STRN: variants seen among roughly 807,000 people sequenced by gnomAD.
STRN encodes protein phosphatase 2 regulatory subunit B'''alpha.
A neutral mutation model predicts 96.3 loss-of-function variants in STRN; 53 were observed. The ratio of observed to expected loss-of-function variants is 0.55; its 90% CI spans 0.44 to 0.69. The LOEUF is 0.69. STRN is among the 30% of genes least tolerant of loss of function. The pLI, the probability that STRN is intolerant of heterozygous loss-of-function variation, is 0.00. For missense variants in STRN, 987 were observed against 963.9 expected, an observed-to-expected ratio of 1.02 and a Z score of -0.32; for synonymous variants, 428 against 355.9, an observed-to-expected ratio of 1.20 and a Z score of -2.28.
chr2:36,890,509 A>T, intron 7 of STRN, among the ~76,000 whole-genome samples: 1 of 129,566 alleles, frequency 7.7e-6, no homozygotes. Context: ...TTTGAGACAG[A>T]GTCTCGCTCT....
At chr2:36,946,156 T>A (rs546774740) in intron 1 of STRN, among the ~76,000 whole-genome samples, 2 of 149,936 alleles carry the variant, frequency 1.3e-5, no homozygotes, top group South Asian at 4.2e-4. Flanking sequence ...TCTACCTAAA[T>A]ATTTCCAGTT....
intron 5 of STRN, among the ~76,000 whole-genome samples, chr2:36,902,033 T>G (rs1006687860): frequency 2.0e-5 from 3 of 152,200 alleles, no homozygotes; most frequent in Non-Finnish European, 2.9e-5. Flanking sequence ...TTATGATTAT[T>G]TTAAGTAGAA....
At chr2:36,870,141 A>T (rs1668726517) in intron 10 of STRN, among the ~76,000 whole-genome samples, 1 of 152,166 alleles carries the variant, frequency 6.6e-6, no homozygotes, top group Non-Finnish European at 1.5e-5. Context: ...GATTTTAAAT[A>T]CTTTCTAATA....
At chr2:36,897,349 T>G (rs1669567666) in intron 6 of STRN, among the ~76,000 whole-genome samples, 1 of 152,040 alleles carries the variant, frequency 6.6e-6, no homozygotes, top group African/African-American at 2.4e-5. Flanking sequence ...GCTGTGCAAA[T>G]TAATGTAATA....
chr2:36,931,032 A>G (rs1670560583), intron 1 of STRN, among the ~76,000 whole-genome samples: 1 of 149,908 alleles, frequency 6.7e-6, no homozygotes. Flanking sequence ...AATTGCCTCA[A>G]AAAAAAAAAG....
At chr2:36,903,162 A>G (rs1669734200) in intron 4 of STRN, among the ~76,000 whole-genome samples, 2 of 152,214 alleles carry the variant, frequency 1.3e-5, no homozygotes, top group Admixed American at 1.3e-4. Flanking sequence ...CCTAGCATAT[A>G]TCGTCTCCTT....
rs574922086 is a variant in STRN at position 36,928,393 on chromosome 2, T to C, written c.235-3185A>G. 7.2e-5 allele frequency among the ~76,000 whole-genome samples: 11 copies of C among 152,272 alleles called. No individual in the cohort carries two copies. In the East Asian group the frequency reaches 1.3e-3, roughly 19 times the overall value. On this transcript the variant is annotated intron_variant, in intron 1 of 17. Coordinates refer to ENST00000263918, the MANE Select transcript of STRN (RefSeq NM_003162.4). ...TAGGTCGGACACAGTGGCTCACACC[T>C]GTAATCCCAGAACTTTGGGAGGCCG...
At chr2:36,888,516 G>C (rs1405321119) in intron 7 of STRN, among the ~76,000 whole-genome samples, 1 of 152,038 alleles carries the variant, frequency 6.6e-6, no homozygotes, top group Non-Finnish European at 1.5e-5. Flanking sequence ...ATTTGCACTG[G>C]CTTTCTTCTT....
chr2:36,891,387 G>A (rs947773611), intron 7 of STRN, among the ~76,000 whole-genome samples: 3 of 152,108 alleles, frequency 2.0e-5, no homozygotes, highest in Non-Finnish European at 2.9e-5. Flanking sequence ...ATAGCCGGGC[G>A]TGGTGGCAGG....
rs1427572885 is a variant in STRN at position 36,838,524 on chromosome 2, C to T, written c.*10932G>A. 6.6e-6 allele frequency among the ~76,000 whole-genome samples: 1 copy of T among 152,130 alleles called. No individual in the cohort carries two copies. The highest frequency in any genetic ancestry group is 2.1e-4 in the South Asian group (1 of 4,824). Reference sequence around the variant, plus strand: ...AATAACACTGAAAAATCACTACATCCACCAGGATTTTTTTCTTTTTTCTAC... The same window carrying T: ...AATAACACTGAAAAATCACTACATCTACCAGGATTTTTTTCTTTTTTCTAC... On this transcript the variant is annotated 3_prime_UTR_variant, in exon 18 of 18. Transcript: ENST00000263918.
chr2:36,896,568 G>T (rs1194246490), intron 6 of STRN, among the ~76,000 whole-genome samples: 1 of 152,138 alleles, frequency 6.6e-6, no homozygotes, highest in African/African-American at 2.4e-5. Context: ...GAAAACCAAA[G>T]AAGTTATGGG....
rs1669720341 is a variant in STRN at position 36,902,723 on chromosome 2, T to G, written c.520A>C (p.Thr174Pro). The change falls in exon 5 of 18, where the codon ACT becomes CCT. Residue 174 changes from threonine (T) to proline (P), a missense_variant. Physicochemically the swap from Thr to Pro is conservative, Grantham distance 38 (BLOSUM62 -1). Transcript: ENST00000263918. ...QYLQEVGYTD[T>P]ILDVKSKRVR... is the part of the protein sequence containing the mutation. ...CGTTTAGATTTCACATCTAGAATAG[T>G]ATCTGTATAACCCACCTCCTGTAGA... 1 of 1,610,434 alleles carries G rather than the reference T, an allele frequency of 6.2e-7. No homozygotes were observed. The highest frequency in any genetic ancestry group is 1.3e-5 in the African/African-American group (1 of 74,858).
intron 5 of STRN, among the ~76,000 whole-genome samples, chr2:36,900,359 A>G (rs1258493405): frequency 1.3e-5 from 2 of 152,156 alleles, no homozygotes; most frequent in African/African-American, 4.8e-5. Flanking sequence ...GACCTCTTAC[A>G]TAAGTTTACA....
intron 11 of STRN, 101 bp downstream of exon 11, chr2:36,869,453 A>G: frequency 9.0e-7 from 1 of 1,116,324 alleles, no homozygotes; most frequent in South Asian, 2.1e-5. Context: ...AAGAACTAGA[A>G]GAAATGTTTG....
chr2:36,926,287 T>C (rs879318858), intron 1 of STRN, among the ~76,000 whole-genome samples: 1 of 152,228 alleles, frequency 6.6e-6, no homozygotes, highest in Non-Finnish European at 1.5e-5. Flanking sequence ...ATTGAAACTA[T>C]GTCACAAACA....
At chr2:36,910,883 C>T (rs1007911797) in intron 3 of STRN, among the ~76,000 whole-genome samples, 2 of 151,882 alleles carry the variant, frequency 1.3e-5, no homozygotes, top group African/African-American at 2.4e-5. Context: ...TTTAACATAG[C>T]CTGAGATAAT....
chr2:36,964,445 G>A (rs1296940801), intron 1 of STRN, among the ~76,000 whole-genome samples: 2 of 151,986 alleles, frequency 1.3e-5, no homozygotes, highest in African/African-American at 4.8e-5. Flanking sequence ...TTTATAGAAT[G>A]CGCTGCTAAT....
intron 1 of STRN, among the ~76,000 whole-genome samples, chr2:36,965,191 CAACTAA>C (rs994682095): frequency 4.1e-4 from 62 of 152,242 alleles, no homozygotes; most frequent in African/African-American, 1.4e-3. Flanking sequence ...AGTGTTTTGC[CAACTAA>C]AACTATACTC....
chr2:36,872,455 T>C (rs531589069), intron 10 of STRN, among the ~76,000 whole-genome samples: 11 of 152,322 alleles, frequency 7.2e-5, no homozygotes, highest in East Asian at 1.9e-4. Flanking sequence ...TGCAACTACA[T>C]TGGAGACCCT....
Sources: gnomAD v4.1 joint callset for allele counts (sites outside exome capture counted in the v4.1 genomes callset) on GRCh38, gnomAD v4.1.1 for gene constraint, MANE v1.5 for transcripts, NCBI Gene and HGNC (gene_info 2026-07-23, HGNC 2026-07-21) for gene names.